The following C3orf20 variants were observed in gnomAD, a reference collection of about 807,000 sequenced individuals.
C3orf20 encodes the protein family with sequence similarity 149 member C.
In C3orf20, 76 loss-of-function variants were observed where a neutral mutation model predicts 88.3. The ratio of observed to expected loss-of-function variants is 0.86; its 90% confidence interval spans 0.72 to 1.04. The LOEUF (loss-of-function observed/expected upper bound fraction) is 1.04. Among genes scored for constraint, C3orf20 ranks in the 50% least tolerant of loss-of-function variants. The probability of loss-of-function intolerance (pLI) is 0.00; values close to 1 mark genes in which losing one functional copy is unlikely to be tolerated. For missense variants in C3orf20, 1,056 were observed against 1,123.3 expected, an observed-to-expected ratio of 0.94 and a Z score of 0.86; for synonymous variants, 436 against 437.4, an observed-to-expected ratio of 1.00 and a Z score of 0.04.
chr3:14,713,824 A>G (rs531670252), intron 7 of C3orf20, among the ~76,000 whole-genome samples, 183 bp from the exon 8 acceptor site: 1 of 152,348 alleles, frequency 6.6e-6, no homozygotes, highest in Non-Finnish European at 1.5e-5. Context: ...AAAAGCAGCT[A>G]GGTCATCGTT....
At chr3:14,758,613 C>G (rs891528873) in intron 13 of C3orf20, among the ~76,000 whole-genome samples, 1 of 152,142 alleles carries the variant, frequency 6.6e-6, no homozygotes, top group African/African-American at 2.4e-5. Context: ...TCCTAGAATC[C>G]GCTGTCTTTG....
In C3orf20 at chr3:14,686,458, A is replaced by G. The variant is rs140004352; in HGVS notation, c.625+2076A>G. Among the ~76,000 whole-genome samples, 195 of 152,320 alleles carry G rather than the reference A, an allele frequency of 1.3e-3. 1 individual carries two copies. The highest frequency in any genetic ancestry group is 4.5e-3 in the African/African-American group (188 of 41,564). On this transcript the variant is annotated intron_variant, in intron 4 of 16. Coordinates refer to ENST00000253697, the MANE Select transcript of C3orf20 (RefSeq NM_032137.5). ...CAATCTCCATTCCCACCAGCTGCATACAAGGGTTTCCTTTTCTCCACACTG... is the reference window on the plus strand; with the variant it reads ...CAATCTCCATTCCCACCAGCTGCATGCAAGGGTTTCCTTTTCTCCACACTG...
intron 12 of C3orf20, among the ~76,000 whole-genome samples, chr3:14,734,036 G>T (rs2034625643): frequency 6.6e-6 from 1 of 152,144 alleles, no homozygotes; most frequent in Admixed American, 6.5e-5. Flanking sequence ...AAATGACTGT[G>T]TTGATCTCTA....
chr3:14,719,944 A>G (rs927944505), intron 9 of C3orf20, among the ~76,000 whole-genome samples: 1 of 152,192 alleles, frequency 6.6e-6, no homozygotes, highest in African/African-American at 2.4e-5. Flanking sequence ...TGAGCTCCCA[A>G]CCGTGGCTCT....
intron 12 of C3orf20, among the ~76,000 whole-genome samples, chr3:14,742,220 T>C (rs2034921696): frequency 6.6e-6 from 1 of 152,178 alleles, no homozygotes; most frequent in Admixed American, 6.5e-5. Context: ...TCAAAGATGG[T>C]AGTAGGGAAA....
intron 4 of C3orf20, among the ~76,000 whole-genome samples, chr3:14,687,648 G>A (rs528719339): frequency 2.0e-5 from 3 of 152,256 alleles, no homozygotes; most frequent in East Asian, 1.9e-4. Flanking sequence ...CCCAACCCTC[G>A]GGCCTGACAC....
intron 12 of C3orf20, among the ~76,000 whole-genome samples, chr3:14,732,247 T>C (rs1044958665): frequency 6.6e-6 from 1 of 152,250 alleles, no homozygotes; most frequent in African/African-American, 2.4e-5. Flanking sequence ...TAACTAAAGT[T>C]GTTGAGCATC....
At chr3:14,738,164 CTTTTTT>C (rs35948176) in intron 12 of C3orf20, among the ~76,000 whole-genome samples, 5 of 107,346 alleles carry the variant, frequency 4.7e-5, no homozygotes, top group African/African-American at 7.7e-5. Context: ...ACAAATATTC[CTTTTTT>C]TTTTTTTTTT....
In C3orf20 at chr3:14,682,571, C is replaced by T. The variant is rs1287766710; in HGVS notation, c.-136-7C>T. The T allele has an allele frequency of 1.1e-5, 12 of 1,129,510 alleles. No homozygotes were observed. The highest frequency in any genetic ancestry group is 4.7e-5 in the African/African-American group (3 of 64,194). 70.0% of individuals were successfully genotyped at this position (1,129,510 alleles called of 1,614,324 possible). On this transcript the variant is annotated splice_polypyrimidine_tract_variant and splice_region_variant and intron_variant, in intron 2 of 16. Transcript: ENST00000253697. ...TGACTAACTCTTTTCTTGTCCTTTC[C>T]GGATAGGAACCACTGGCTCAATGAC...
At chr3:14,689,465 T>A (rs77227747) in intron 4 of C3orf20, among the ~76,000 whole-genome samples, 1,593 of 152,268 alleles carry the variant, frequency 0.01, 28 homozygotes, top group African/African-American at 0.036. Flanking sequence ...TTGGTGAGGT[T>A]TGTATAAGAA....
chr3:14,748,009 C>T (rs1423768253), intron 12 of C3orf20, among the ~76,000 whole-genome samples: 5 of 151,654 alleles, frequency 3.3e-5, no homozygotes, highest in Non-Finnish European at 7.4e-5. Context: ...GCTGAGGTTT[C>T]CATTTCTTCT....
chr3:14,717,411 T>C (rs1227032475), intron 9 of C3orf20, among the ~76,000 whole-genome samples: 2 of 152,062 alleles, frequency 1.3e-5, no homozygotes, highest in Non-Finnish European at 2.9e-5. Flanking sequence ...TGTGTGTGAT[T>C]CACATAGAGA....
intron 12 of C3orf20, among the ~76,000 whole-genome samples, chr3:14,748,641 G>A (rs192601541): frequency 2.9e-4 from 44 of 152,158 alleles, no homozygotes; most frequent in Admixed American, 2.6e-3. Flanking sequence ...GTTTTGGTAC[G>A]TTGTTTTTGT....
chr3:14,723,122 C>A (rs944983995), intron 10 of C3orf20, among the ~76,000 whole-genome samples: 1 of 152,206 alleles, frequency 6.6e-6, no homozygotes, highest in Non-Finnish European at 1.5e-5. Flanking sequence ...CACTATGTGT[C>A]CCCCTCAAAA....
At chr3:14,728,361 G>A in intron 11 of C3orf20, 78 bp from the exon 12 acceptor site, 1 of 1,577,502 alleles carries the variant, frequency 6.3e-7, no homozygotes, top group East Asian at 2.2e-5. Context: ...GGTGCACTTA[G>A]ATGTTTCCAG....
rs1347817401 is a variant in C3orf20 at position 14,768,495 on chromosome 3, A to G, written c.2496-3572A>G. Among the ~76,000 whole-genome samples the G allele has an allele frequency of 6.6e-6, 1 of 151,982 alleles. No homozygotes were observed. Among genetic ancestry groups the G allele is most frequent in the Non-Finnish European group, 1.5e-5 (1 of 68,020 alleles). On this transcript the variant is annotated intron_variant, in intron 15 of 16. Coordinates refer to ENST00000253697, the MANE Select transcript of C3orf20 (RefSeq NM_032137.5). This position sits in a 1 kb window ranked among gnomAD's most constrained non-coding sequence, Gnocchi z 4.1. ...TTGATCCTACAGGCAATGGGGAGCTAATGAAGGTTCTTGAGCTGAGAGAGA... is the reference window on the plus strand; with the variant it reads ...TTGATCCTACAGGCAATGGGGAGCTGATGAAGGTTCTTGAGCTGAGAGAGA...
chr3:14,736,772 G>A (rs1299102653), intron 12 of C3orf20, among the ~76,000 whole-genome samples: 2 of 151,852 alleles, frequency 1.3e-5, no homozygotes, highest in African/African-American at 2.4e-5. Flanking sequence ...TCACCATGTT[G>A]CTCAGGCTGA....
At chr3:14,719,077 T>C (rs1047869228) in intron 9 of C3orf20, among the ~76,000 whole-genome samples, 1 of 152,126 alleles carries the variant, frequency 6.6e-6, no homozygotes, top group Non-Finnish European at 1.5e-5. Flanking sequence ...TTGACTCCTC[T>C]TCAAAGTCTG....
chr3:14,710,147 G>T (rs570971719), intron 7 of C3orf20, among the ~76,000 whole-genome samples: 5 of 151,486 alleles, frequency 3.3e-5, no homozygotes, highest in South Asian at 4.2e-4. Context: ...ACTTTATGGT[G>T]TACAGCTATT....
Sources: allele counts gnomAD v4.1 joint callset (sites outside exome capture counted in the v4.1 genomes callset), GRCh38; gene constraint gnomAD v4.1.1; non-coding constraint Gnocchi (gnomAD v3.1); transcripts MANE v1.5; gene names NCBI Gene and HGNC (gene_info 2026-07-23, HGNC 2026-07-21).